Variants in BRAF observed in about 807,000 individuals in gnomAD.
BRAF encodes the protein B-Raf proto-oncogene, serine/threonine kinase, also known as serine/threonine-protein kinase B-raf.
In BRAF, 16 loss-of-function variants were observed where a neutral mutation model predicts 104.6. The ratio of observed to expected loss-of-function variants is 0.15; its 90% CI spans 0.10 to 0.23. The LOEUF is 0.23. Among genes scored for constraint, BRAF ranks in the 10% least tolerant of loss-of-function variants. The pLI, the probability that BRAF is intolerant of heterozygous loss-of-function variation, is 1.00. For missense variants in BRAF, 541 were observed against 937.3 expected, an observed-to-expected ratio of 0.58 and a Z score of 5.52; for synonymous variants, 310 against 341.6, an observed-to-expected ratio of 0.91 and a Z score of 1.02.
chr7:140,914,970 G>C (rs1287820962), intron 1 of BRAF, among the ~76,000 whole-genome samples: 2 of 88,850 alleles, frequency 2.3e-5, no homozygotes, highest in African/African-American at 4.2e-5. Context: ...AACCCGGGGG[G>C]GGGGGGGGGC....
chr7:140,761,296 T>A (rs575254395), intron 14 of BRAF, among the ~76,000 whole-genome samples: 29 of 151,954 alleles, frequency 1.9e-4, no homozygotes, highest in African/African-American at 6.8e-4. Context: ...CTAAGCTTCA[T>A]AAGTGAAGGA....
At chr7:140,772,396 T>C (rs541014936) in intron 14 of BRAF, among the ~76,000 whole-genome samples, 57 of 152,232 alleles carry the variant, frequency 3.7e-4, no homozygotes, top group African/African-American at 1.3e-3. Context: ...GCGGAGGCAG[T>C]GGCTCGCTTG....
chr7:140,740,960 C>T (rs963701724), intron 17 of BRAF: 1 of 152,152 alleles, frequency 6.6e-6, no homozygotes, highest in Non-Finnish European at 1.5e-5. Flanking sequence ...ATAACATCAT[C>T]ATTTTAATGG....
At chr7:140,827,552 T>A (rs1806199082) in intron 3 of BRAF, among the ~76,000 whole-genome samples, 1 of 152,236 alleles carries the variant, frequency 6.6e-6, no homozygotes, top group East Asian at 1.9e-4. Context: ...ATTCTGGTAA[T>A]AGATTTCAGC....
intron 18 of BRAF, among the ~76,000 whole-genome samples, chr7:140,737,349 A>G (rs1014057643): frequency 2.6e-5 from 4 of 152,162 alleles, no homozygotes; most frequent in African/African-American, 9.7e-5. Context: ...CCAGTGCTGG[A>G]TATTACCAAC....
intron 2 of BRAF, among the ~76,000 whole-genome samples, chr7:140,839,342 C>A (rs1807683014): frequency 6.6e-6 from 1 of 152,130 alleles, no homozygotes; most frequent in Non-Finnish European, 1.5e-5. Flanking sequence ...GGTCACATAT[C>A]TATTATATAA....
chr7:140,766,440 A>G (rs1160950251), intron 14 of BRAF, among the ~76,000 whole-genome samples: 2 of 152,146 alleles, frequency 1.3e-5, no homozygotes, highest in East Asian at 3.8e-4. Context: ...AAAGTATAAT[A>G]ATAAAAAAAA....
At chr7:140,770,183 C>T (rs992235917) in intron 14 of BRAF, among the ~76,000 whole-genome samples, 3 of 151,854 alleles carry the variant, frequency 2.0e-5, no homozygotes, top group South Asian at 2.1e-4. Context: ...TTATTTTTAC[C>T]GACCAGAAAA....
intron 14 of BRAF, among the ~76,000 whole-genome samples, chr7:140,760,646 A>C (rs569177309): frequency 6.6e-6 from 1 of 152,218 alleles, no homozygotes; most frequent in Admixed American, 6.5e-5. Flanking sequence ...ATAATAAAAA[A>C]TTTAGACGAA....
chr7:140,728,914 T>TA (rs1385384134), intron 19 of BRAF, among the ~76,000 whole-genome samples: 2 of 151,790 alleles, frequency 1.3e-5, no homozygotes, highest in Non-Finnish European at 2.9e-5. Context: ...TATACTACAT[T>TA]AAAAAATACT....
intron 12 of BRAF, among the ~76,000 whole-genome samples, chr7:140,779,068 C>A (rs1315945256): frequency 3.3e-5 from 5 of 152,132 alleles, no homozygotes; most frequent in African/African-American, 9.7e-5. Flanking sequence ...CTTCACACAA[C>A]AATATAGATG....
chr7:140,803,367 C>G (rs891389615), intron 5 of BRAF, among the ~76,000 whole-genome samples: 1 of 152,014 alleles, frequency 6.6e-6, no homozygotes, highest in African/African-American at 2.4e-5. Context: ...TACATAATAG[C>G]TAAAACAAAA....
chr7:140,922,756 T>C (rs548793272), intron 1 of BRAF, among the ~76,000 whole-genome samples: 1 of 152,228 alleles, frequency 6.6e-6, no homozygotes, highest in East Asian at 1.9e-4. Flanking sequence ...ATCCTAAAAA[T>C]AAATTTCCAT....
In BRAF at chr7:140,896,903, CTA is replaced by C. The variant is rs1158162590; in HGVS notation, c.138+27661_138+27662del. On this transcript the variant is annotated intron_variant, in intron 1 of 19. Coordinates refer to ENST00000644969, the MANE Select transcript of BRAF (RefSeq NM_001374258.1). ...AAAAAGGGGTGGGGGGGGAAGAGACCTATAAACAAATGAAGATAAAAACCATG... is the reference window on the plus strand; with the variant it reads ...AAAAAGGGGTGGGGGGGGAAGAGACCTAAACAAATGAAGATAAAAACCATG... Among the ~76,000 whole-genome samples, 13 of 148,184 alleles carry C rather than the reference CTA, an allele frequency of 8.8e-5. No individual in the cohort carries two copies. In the South Asian group the frequency reaches 1.1e-3, roughly 12 times the overall value.
At chr7:140,746,186 TAAC>T in intron 17 of BRAF, among the ~76,000 whole-genome samples, 1 of 152,194 alleles carries the variant, frequency 6.6e-6, no homozygotes, top group Non-Finnish European at 1.5e-5. Flanking sequence ...ACACTTGAAA[TAAC>T]AGATATATGC....
chr7:140,901,179 A>C (rs991638509), intron 1 of BRAF, among the ~76,000 whole-genome samples: 2 of 152,256 alleles, frequency 1.3e-5, no homozygotes, highest in African/African-American at 4.8e-5. Context: ...TTGTATGAAA[A>C]AATATGATCA....
chr7:140,720,203 T>C lies in BRAF; in HGVS notation c.*6291A>G, dbSNP rs1265609134. Reference sequence around the variant, plus strand: ...GCCATGTTGAGGAAAGGATCAGATGTACAACCAACAAATGAGATTACCACA... The same window carrying C: ...GCCATGTTGAGGAAAGGATCAGATGCACAACCAACAAATGAGATTACCACA... On this transcript the variant is annotated 3_prime_UTR_variant, in exon 20 of 20. Transcript: ENST00000644969. The C allele has an allele frequency of 4.7e-6, 5 of 1,062,612 alleles. No individual in the cohort carries two copies. In the African/African-American group the frequency reaches 8.2e-5, roughly 17 times the overall value. 65.8% of individuals were successfully genotyped at this position (1,062,612 alleles called of 1,614,324 possible).
chr7:140,839,522 G>A (rs537731310), intron 2 of BRAF, among the ~76,000 whole-genome samples: 1 of 152,150 alleles, frequency 6.6e-6, no homozygotes, highest in African/African-American at 2.4e-5. Context: ...TTGAGCCCAG[G>A]AGTTTGAGGC....
At chr7:140,793,303 T>C (rs1275324073) in intron 8 of BRAF, among the ~76,000 whole-genome samples, 1 of 152,196 alleles carries the variant, frequency 6.6e-6, no homozygotes, top group East Asian at 1.9e-4. Flanking sequence ...TGATTTCTTA[T>C]ATCACATTCT....
Sources: allele counts gnomAD v4.1 joint callset (sites outside exome capture counted in the v4.1 genomes callset), GRCh38; gene constraint gnomAD v4.1.1; transcripts MANE v1.5; gene names NCBI Gene and HGNC (gene_info 2026-07-23, HGNC 2026-07-21).